PPP5C: variants seen among roughly 807,000 people sequenced by gnomAD.
The protein encoded by PPP5C is protein phosphatase 5 catalytic subunit.
PPP5C carries 21 observed loss-of-function variants against 66.7 expected under a neutral mutation model. That is an observed-to-expected ratio of 0.31 (90% CI 0.22 to 0.45). The LOEUF (loss-of-function observed/expected upper bound fraction) is 0.45. PPP5C is among the 20% of genes least tolerant of loss of function. PPP5C has a pLI of 1.00. For synonymous variants in PPP5C, 246 were observed against 257.4 expected (o/e 0.96, Z 0.43); for missense variants, 464 against 675.9 (o/e 0.69, Z 3.48).
In PPP5C at chr19:46,390,502, G is replaced by A. The variant is rs1284861973; in HGVS notation, c.*156G>A. 5.4e-6 allele frequency: 8 copies of A among 1,471,958 alleles called. No individual in the cohort carries two copies. The highest frequency in any genetic ancestry group is 5.4e-5 in the South Asian group (4 of 74,360). The allele number at this position is 1,471,958 out of a possible 1,614,324, so 91.2% of individuals were successfully genotyped here. On this transcript the variant is annotated 3_prime_UTR_variant, in exon 13 of 13. Coordinates refer to ENST00000012443, the MANE Select transcript of PPP5C (RefSeq NM_006247.4). Reference sequence around the variant, plus strand: ...TATTCCCCTTTAGGTTTGCAGAGGGGGTAGGGGCAGAGTCAGGGGCTGGCC... The same window carrying A: ...TATTCCCCTTTAGGTTTGCAGAGGGAGTAGGGGCAGAGTCAGGGGCTGGCC...
chr19:46,356,864 G>A (rs999994283), intron 2 of PPP5C, among the ~76,000 whole-genome samples: 17 of 152,286 alleles, frequency 1.1e-4, no homozygotes, highest in African/African-American at 3.6e-4. Context: ...GAGAGTCTGC[G>A]GTCACCAGTG....
chr19:46,357,329 T>C (rs900935007), intron 2 of PPP5C, among the ~76,000 whole-genome samples: 2 of 152,198 alleles, frequency 1.3e-5, no homozygotes, highest in Non-Finnish European at 2.9e-5. Flanking sequence ...CTTACAAGCA[T>C]GAGCCATGGC....
At position 46,383,840 on chromosome 19, in the gene PPP5C, T is replaced by C. The variant is rs1458741886; in HGVS notation, c.760T>C (p.Phe254Leu). ...HGQFYDLLNIFELNGLPSETN... is the reference protein window; with the variant it reads ...HGQFYDLLNILELNGLPSETN... The stretch of plus-strand genomic sequence containing the variant: ...CCAGTTCTATGACCTCCTCAACATA[T>C]TCGAGCTCAACGGTTTACCCTCGGA... Residue 254 changes from phenylalanine (F) to leucine (L), a missense_variant, in exon 6 of 13, where the codon TTC becomes CTC. Physicochemically the swap from Phe to Leu is conservative, Grantham distance 22. Coordinates refer to ENST00000012443, the MANE Select transcript of PPP5C (RefSeq NM_006247.4). This position sits in a 1 kb window ranked among gnomAD's most constrained non-coding sequence, Gnocchi z 5.0. 6.2e-7 allele frequency: 1 copy of C among 1,613,986 alleles called. No individual in the cohort carries two copies. The highest frequency in any genetic ancestry group is 8.5e-7 in the Non-Finnish European group (1 of 1,179,902).
intron 2 of PPP5C, among the ~76,000 whole-genome samples, chr19:46,364,767 A>G (rs1972462159): frequency 2.0e-5 from 3 of 152,200 alleles, no homozygotes; most frequent in Middle Eastern, 3.4e-3. Context: ...GCCTTTTCCA[A>G]TTGTGTGCAC....
At chr19:46,371,009 G>A (rs543471619) in intron 2 of PPP5C, among the ~76,000 whole-genome samples, 1 of 152,294 alleles carries the variant, frequency 6.6e-6, no homozygotes, top group East Asian at 1.9e-4. Flanking sequence ...CAAAGTGCTG[G>A]GATTACAGGC....
Position 46,374,635 on chromosome 19 carries a change from A to G in PPP5C, c.364-969A>G, listed in dbSNP as rs11667401. 4.5e-3 allele frequency among the ~76,000 whole-genome samples: 690 copies of G among 152,326 alleles called. 2 individuals are homozygous for G. Among genetic ancestry groups the G allele is most frequent in the Non-Finnish European group, 7.9e-3 (538 of 68,010 alleles). On this transcript the variant is annotated intron_variant, in intron 2 of 12. Transcript: ENST00000012443. ...TTTCACTGGGAACTTGCTATGTCCC[A>G]AAGCTGAACGCCCCATGCCTATTGT...
chr19:46,366,142 G>A (rs1972486663), intron 2 of PPP5C, among the ~76,000 whole-genome samples: 1 of 152,136 alleles, frequency 6.6e-6, no homozygotes, highest in Admixed American at 6.5e-5. Context: ...CTGGTACTGA[G>A]CATCGAGTCC....
intron 2 of PPP5C, among the ~76,000 whole-genome samples, chr19:46,373,259 G>T (rs184115575): frequency 6.6e-6 from 1 of 152,218 alleles, no homozygotes; most frequent in Non-Finnish European, 1.5e-5. Context: ...CCATCCCAGC[G>T]TGCATAGCGG....
intron 4 of PPP5C, chr19:46,381,652 G>A (rs1292931303): frequency 6.6e-6 from 1 of 152,250 alleles, no homozygotes; most frequent in Non-Finnish European, 1.5e-5. Flanking sequence ...GGGAGGCTGA[G>A]TGGGGAGGAT....
At chr19:46,363,730 C>T (rs1210726003) in intron 2 of PPP5C, among the ~76,000 whole-genome samples, 1 of 152,098 alleles carries the variant, frequency 6.6e-6, no homozygotes, top group Non-Finnish European at 1.5e-5. Flanking sequence ...CACCTGGCCT[C>T]GGTTTACCTT....
At chr19:46,389,454 C>T (rs1363518090) in intron 11 of PPP5C, among the ~76,000 whole-genome samples, 1 of 120,232 alleles carries the variant, frequency 8.3e-6, no homozygotes. Flanking sequence ...CACACACACA[C>T]ACACACAGTG....
chr19:46,362,336 C>T (rs1369871572), intron 2 of PPP5C, among the ~76,000 whole-genome samples: 1 of 152,138 alleles, frequency 6.6e-6, no homozygotes, highest in Non-Finnish European at 1.5e-5. Flanking sequence ...TTTTTCCTAA[C>T]AGATCTCAGT....
intron 2 of PPP5C, among the ~76,000 whole-genome samples, chr19:46,363,427 CTTTCTTTAT>C (rs1166642984): frequency 1.5e-5 from 2 of 136,464 alleles, no homozygotes; most frequent in Non-Finnish European, 1.6e-5. Context: ...TTTGGGCTTA[CTTTCTTTAT>C]TTTTTTCTTT....
At chr19:46,381,151 ATTAT>A (rs747125281) in intron 4 of PPP5C, among the ~76,000 whole-genome samples, 6 of 152,124 alleles carry the variant, frequency 3.9e-5, no homozygotes, top group Admixed American at 1.3e-4. Flanking sequence ...CAACAAATGA[ATTAT>A]TTATTTCTTA....
At chr19:46,390,155 T>C in intron 12 of PPP5C, 23 bp downstream of exon 12, 1 of 1,612,682 alleles carries the variant, frequency 6.2e-7, no homozygotes, top group African/African-American at 1.3e-5. Flanking sequence ...TCAGGGCCCC[T>C]GCCCCTTCCA....
Position 46,383,630 on chromosome 19 carries a change from G to T in PPP5C, c.700-150G>T. ...CTCCTGAATATCCCATTTCTCTCCT[G>T]GCCTCTTGGTCTTCGTTTGTGTTCC... On this transcript the variant is annotated intron_variant, in intron 5 of 12. Transcript: ENST00000012443. This position sits in a 1 kb window ranked among gnomAD's most constrained non-coding sequence, Gnocchi z 5.0. The T allele has an allele frequency of 9.7e-7, 1 of 1,027,294 alleles. No individual in the cohort carries two copies. Among genetic ancestry groups the T allele is most frequent in the South Asian group, 1.6e-5 (1 of 62,994 alleles). 63.6% of individuals were successfully genotyped at this position (1,027,294 alleles called of 1,614,324 possible). A position where few individuals can be genotyped will look rare whatever the true frequency, so the allele number is the denominator to read the frequency against.
chr19:46,359,724 T>C (rs1972347924), intron 2 of PPP5C, among the ~76,000 whole-genome samples: 2 of 151,922 alleles, frequency 1.3e-5, no homozygotes, highest in Non-Finnish European at 1.5e-5. Flanking sequence ...TGACTGACCA[T>C]ATAGACTCCT....
intron 2 of PPP5C, among the ~76,000 whole-genome samples, chr19:46,356,642 C>G (rs1276787850): frequency 2.0e-5 from 3 of 152,206 alleles, no homozygotes; most frequent in Non-Finnish European, 4.4e-5. Flanking sequence ...AGACTTGAAC[C>G]CCTAGTCCAT....
At position 46,350,654 on chromosome 19, in the gene PPP5C, G is replaced by A. The variant is rs1388540401; in HGVS notation, c.122-3094G>A. 3.9e-5 allele frequency among the ~76,000 whole-genome samples: 6 copies of A among 152,204 alleles called. No homozygotes were observed. The East Asian group carries it at 1.2e-3, about 29-fold the overall frequency. ...TGACAGCTCACCTTAATTGAGCCTT[G>A]TGGCCAGGTACGCTGTGGGGTTTAA... On this transcript the variant is annotated intron_variant, in intron 1 of 12. Transcript: ENST00000012443.
Sources: allele counts gnomAD v4.1 joint callset (sites outside exome capture counted in the v4.1 genomes callset), GRCh38; gene constraint gnomAD v4.1.1; non-coding constraint Gnocchi (gnomAD v3.1); transcripts MANE v1.5; gene names NCBI Gene and HGNC (gene_info 2026-07-23, HGNC 2026-07-21).